ZNF804A: variants seen among roughly 807,000 people sequenced by gnomAD.
ZNF804A encodes zinc finger protein 804A.
A neutral mutation model predicts 16.5 loss-of-function variants in ZNF804A; 2 were observed. That is an observed-to-expected ratio of 0.12 (90% confidence interval 0.05 to 0.38). ZNF804A has a LOEUF of 0.38. Among genes scored for constraint, ZNF804A ranks in the 10% least tolerant of loss-of-function variants. ZNF804A has a pLI of 0.99. For synonymous variants in ZNF804A, 534 were observed against 489.6 expected, an observed-to-expected ratio of 1.09 and a Z score of -1.20; for missense variants, 1,473 against 1,390.7, an observed-to-expected ratio of 1.06 and a Z score of -0.94.
At chr2:184,915,775 A>G (rs557927580) in intron 2 of ZNF804A, among the ~76,000 whole-genome samples, 1 of 152,296 alleles carries the variant, frequency 6.6e-6, no homozygotes, top group East Asian at 1.9e-4. Flanking sequence ...GATATTGTTC[A>G]GATCTGATAT....
At chr2:184,604,015 T>C (rs1200760698) in intron 1 of ZNF804A, among the ~76,000 whole-genome samples, 2 of 152,110 alleles carry the variant, frequency 1.3e-5, no homozygotes, top group Non-Finnish European at 2.9e-5. Context: ...ATAATATTCA[T>C]GATTACCACA....
intron 1 of ZNF804A, among the ~76,000 whole-genome samples, chr2:184,793,424 T>G: frequency 6.6e-6 from 1 of 152,128 alleles, no homozygotes; most frequent in Non-Finnish European, 1.5e-5. Flanking sequence ...CTCTGCAACC[T>G]CTCCAGCATC....
chr2:184,751,767 C>T (rs1452627453), intron 1 of ZNF804A, among the ~76,000 whole-genome samples: 1 of 151,460 alleles, frequency 6.6e-6, no homozygotes, highest in Non-Finnish European at 1.5e-5. Context: ...CAACAAGTAA[C>T]TCAAACAACT....
chr2:184,779,365 C>T (rs1694339761), intron 1 of ZNF804A, among the ~76,000 whole-genome samples: 1 of 151,650 alleles, frequency 6.6e-6, no homozygotes, highest in Non-Finnish European at 1.5e-5. Flanking sequence ...ATTTCTGTTG[C>T]TTCAGAGCTG....
intron 1 of ZNF804A, among the ~76,000 whole-genome samples, chr2:184,756,066 C>T (rs569946848): frequency 6.6e-6 from 1 of 151,902 alleles, no homozygotes; most frequent in Admixed American, 6.6e-5. Context: ...TCAGGAAATA[C>T]CCTGAAGCTA....
chr2:184,859,791 G>C (rs1467273043), intron 1 of ZNF804A, among the ~76,000 whole-genome samples: 1 of 152,216 alleles, frequency 6.6e-6, no homozygotes, highest in Non-Finnish European at 1.5e-5. Context: ...CACCTGGCAT[G>C]ATTCAACAGT....
chr2:184,937,574 A>T lies in ZNF804A; in HGVS notation c.2178A>T (p.Lys726Asn), dbSNP rs760536564. The change falls in exon 4 of 4, where the codon AAA (lysine) becomes AAT (asparagine). Residue 726 changes from lysine to asparagine, a missense_variant. Physicochemically the swap from Lys to Asn is moderately conservative, Grantham distance 94. Coordinates refer to ENST00000302277, the MANE Select transcript of ZNF804A (RefSeq NM_194250.2). Reference sequence around the variant, plus strand: ...ATTCTAGAACTTACTGTTGTTGGAAAACCAAAATGTCAAGCTGTAGTCAGG... The same window carrying T: ...ATTCTAGAACTTACTGTTGTTGGAATACCAAAATGTCAAGCTGTAGTCAGG... ...LTYSRTYCCW[K>N]TKMSSCSQDH... The T allele has an allele frequency of 6.2e-7, 1 of 1,612,158 alleles. No individual in the cohort carries two copies. Among genetic ancestry groups the T allele is most frequent in the East Asian group, 2.2e-5 (1 of 44,826 alleles).
chr2:184,901,109 A>G (rs2105827100), intron 2 of ZNF804A, among the ~76,000 whole-genome samples: 1 of 152,302 alleles, frequency 6.6e-6, no homozygotes. Context: ...CATACATCCT[A>G]CACTGCTTAA....
intron 1 of ZNF804A, among the ~76,000 whole-genome samples, chr2:184,628,091 G>T (rs1322381745): frequency 6.6e-6 from 1 of 152,136 alleles, no homozygotes; most frequent in African/African-American, 2.4e-5. Context: ...GAGGCGGGCG[G>T]ATCACCTCAG....
chr2:184,675,436 G>C (rs1574157377), intron 1 of ZNF804A, among the ~76,000 whole-genome samples: 1 of 151,714 alleles, frequency 6.6e-6, no homozygotes, highest in African/African-American at 2.4e-5. Flanking sequence ...ATATTACAAT[G>C]ATATATTTTA....
At chr2:184,778,224 T>A (rs1306152229) in intron 1 of ZNF804A, among the ~76,000 whole-genome samples, 3 of 151,754 alleles carry the variant, frequency 2.0e-5, no homozygotes, top group Non-Finnish European at 4.4e-5. Flanking sequence ...TTTCATTCTG[T>A]CACGTTATAT....
In ZNF804A at chr2:184,939,309, T is replaced by C. The variant is rs775610737; in HGVS notation, c.*283T>C. 8.3e-6 allele frequency: 2 copies of C among 240,082 alleles called. No individual in the cohort carries two copies. Among genetic ancestry groups the C allele is most frequent in the Non-Finnish European group, 1.6e-5 (2 of 124,370 alleles). The allele number at this position is 240,082 out of a possible 1,614,324, so 14.9% of individuals were successfully genotyped here. A position where few individuals can be genotyped will look rare whatever the true frequency, so the allele number is the denominator to read the frequency against. ...GTATGTATAATGTACATAAAATATA[T>C]TTATAGTACTCTAATTTATGTTGTA... On this transcript the variant is annotated 3_prime_UTR_variant, in exon 4 of 4. Coordinates refer to ENST00000302277, the MANE Select transcript of ZNF804A (RefSeq NM_194250.2).
At chr2:184,857,535 T>G (rs1695717808) in intron 1 of ZNF804A, among the ~76,000 whole-genome samples, 1 of 152,120 alleles carries the variant, frequency 6.6e-6, no homozygotes, top group Non-Finnish European at 1.5e-5. Flanking sequence ...TCCTTATTGA[T>G]TTTCTGTCTG....
At chr2:184,837,906 T>C (rs1695379180) in intron 1 of ZNF804A, among the ~76,000 whole-genome samples, 1 of 152,126 alleles carries the variant, frequency 6.6e-6, no homozygotes, top group African/African-American at 2.4e-5. Flanking sequence ...TTTATTAGCC[T>C]TAGTATGATC....
chr2:184,696,557 T>G (rs1021990153), intron 1 of ZNF804A, among the ~76,000 whole-genome samples: 1 of 152,180 alleles, frequency 6.6e-6, no homozygotes, highest in Middle Eastern at 3.2e-3. Context: ...TGTAAAATTC[T>G]TATTATTTCA....
intron 1 of ZNF804A, among the ~76,000 whole-genome samples, chr2:184,631,011 T>C (rs1691600143): frequency 6.6e-6 from 1 of 152,214 alleles, no homozygotes; most frequent in East Asian, 1.9e-4. Flanking sequence ...GAAAATATTC[T>C]AGTAACTATG....
intron 1 of ZNF804A, among the ~76,000 whole-genome samples, chr2:184,625,061 A>C (rs1177411452): frequency 1.3e-5 from 2 of 152,204 alleles, no homozygotes; most frequent in African/African-American, 4.8e-5. Flanking sequence ...GGTATCACCA[A>C]AACAATTTAA....
Position 184,771,205 on chromosome 2 carries a change from A to T in ZNF804A, c.112-95164A>T, listed in dbSNP as rs554777521. ...ACTATGTGCTTTTAAAATAGTCAAT[A>T]CTATTTCAACATTTTTGAAATTAAA... On this transcript the variant is annotated intron_variant, in intron 1 of 3. Transcript: ENST00000302277. Among the ~76,000 whole-genome samples, 3 of 152,218 alleles carry T rather than the reference A, an allele frequency of 2.0e-5. No homozygotes were observed. In the South Asian group the frequency reaches 6.2e-4, roughly 32 times the overall value.
At chr2:184,727,825 T>A (rs1243957260) in intron 1 of ZNF804A, among the ~76,000 whole-genome samples, 1 of 151,768 alleles carries the variant, frequency 6.6e-6, no homozygotes, top group African/African-American at 2.4e-5. Flanking sequence ...GTATCTACAG[T>A]GTGGCAGATT....
Sources: allele counts gnomAD v4.1 joint callset (sites outside exome capture counted in the v4.1 genomes callset), GRCh38; gene constraint gnomAD v4.1.1; transcripts MANE v1.5; gene names NCBI Gene and HGNC (gene_info 2026-07-23, HGNC 2026-07-21).